ZNF594: variants seen among roughly 807,000 people sequenced by gnomAD.
The protein encoded by ZNF594 is zinc finger protein 594.
For missense variants in ZNF594, 1,037 were observed against 964.6 expected (o/e 1.08, Z -0.99); for synonymous variants, 336 against 309.4 (o/e 1.09, Z -0.90).
downstream of ZNF594, among the ~76,000 whole-genome samples, chr17:5,178,927 A>G (rs545876209): frequency 1.9e-3 from 295 of 152,304 alleles, 1 homozygote; most frequent in African/African-American, 6.7e-3. Context: ...TCAAATCAAC[A>G]TAAGAACACA....
downstream of ZNF594, among the ~76,000 whole-genome samples, chr17:5,175,875 A>G (rs886524536): frequency 2.0e-5 from 3 of 152,122 alleles, no homozygotes; most frequent in African/African-American, 7.2e-5. Flanking sequence ...GTTCACCTAT[A>G]AAGTTAAAAT....
At chr17:5,190,735 T>A (rs1458615623) in intron 1 of ZNF594, among the ~76,000 whole-genome samples, 2 of 152,250 alleles carry the variant, frequency 1.3e-5, no homozygotes, top group East Asian at 3.9e-4. Context: ...GACTCTCTCC[T>A]AGCAGAGAGA....
At chr17:5,178,343 A>G (rs961654469), downstream of ZNF594, among the ~76,000 whole-genome samples, 4 of 152,218 alleles carry the variant, frequency 2.6e-5, no homozygotes, top group Admixed American at 6.5e-5. Flanking sequence ...TATTTACAGT[A>G]TATGTAAAAA....
chr17:5,174,216 T>C, the ZNF594 span: 1 of 191,452 alleles, frequency 5.2e-6, no homozygotes, highest in South Asian at 1.9e-4. Context: ...AACAAAAGTA[T>C]AAATATTATT....
Position 5,181,519 on chromosome 17 carries a change from T to G in ZNF594, c.*314A>C. The G allele has an allele frequency of 5.0e-6, 8 of 1,613,952 alleles. No homozygotes were observed. Among genetic ancestry groups the G allele is most frequent in the Non-Finnish European group, 6.8e-6 (8 of 1,179,894 alleles). ...AGTCTCTGATGTTTGAGGAAAGCTG[T>G]GTGCCACATGAAGAGTTTCCCACAT... On this transcript the variant is annotated 3_prime_UTR_variant, in exon 2 of 2. Coordinates refer to ENST00000575779, the MANE Select transcript of ZNF594 (RefSeq NM_032530.2).
chr17:5,183,548 T>C lies in ZNF594; in HGVS notation c.709A>G (p.Lys237Glu). Reference sequence around the variant, plus strand: ...CCACATTTATTGCATAAATATGGCTTCCCCCTACTGTGGATTCTCTGGTGC... The same window carrying C: ...CCACATTTATTGCATAAATATGGCTCCCCCCTACTGTGGATTCTCTGGTGC... ...VLHQRIHSRG[K>E]PYLCNKCGKA... Residue 237 changes from lysine (K) to glutamate (E), a missense_variant, in exon 2 of 2, where the codon AAG becomes GAG. Lys to Glu is a moderately conservative substitution (Grantham distance 56). Coordinates refer to ENST00000575779, the MANE Select transcript of ZNF594 (RefSeq NM_032530.2). 1 of 1,614,200 alleles carries C rather than the reference T, an allele frequency of 6.2e-7. No homozygotes were observed. The highest frequency in any genetic ancestry group is 1.6e-4 in the Middle Eastern group (1 of 6,062).
In ZNF594 at chr17:5,183,094, G is replaced by C. The variant is rs773120104; in HGVS notation, c.1163C>G (p.Thr388Ser). ...CNQCGRNFQG[T>S]SDLIRHQVTH... Reference sequence around the variant, plus strand: ...TACCTGATGTCTGATGAGGTCTGAGGTGCCCTGGAAATTCCTACCACACTG... The same window carrying C: ...TACCTGATGTCTGATGAGGTCTGAGCTGCCCTGGAAATTCCTACCACACTG... Residue 388 changes from threonine to serine, a missense_variant, in exon 2 of 2, where the codon ACC becomes AGC. By Grantham distance (58) the Thr-to-Ser change is moderately conservative (BLOSUM62 1). Transcript: ENST00000575779. 13 of 1,613,592 alleles carry C rather than the reference G, an allele frequency of 8.1e-6. 1 individual carries two copies. Among genetic ancestry groups the C allele is most frequent in the South Asian group, 7.7e-5 (7 of 91,054 alleles).
intron 1 of ZNF594, among the ~76,000 whole-genome samples, chr17:5,184,808 G>C (rs2074375842): frequency 6.6e-6 from 1 of 152,210 alleles, no homozygotes; most frequent in Non-Finnish European, 1.5e-5. Context: ...TGTTGACAAA[G>C]TCAAATCTTG....
intron 1 of ZNF594, among the ~76,000 whole-genome samples, chr17:5,188,872 C>T (rs941117253): frequency 2.4e-4 from 37 of 151,716 alleles, no homozygotes; most frequent in African/African-American, 7.3e-4. Flanking sequence ...CTCAGCCTCC[C>T]GAGTAGCTGG....
downstream of ZNF594, among the ~76,000 whole-genome samples, chr17:5,178,830 C>A (rs535362383): frequency 6.6e-6 from 1 of 152,210 alleles, no homozygotes; most frequent in Admixed American, 6.5e-5. Flanking sequence ...AATAAAATTA[C>A]GGTACAATGA....
rs2074346238 is a variant in ZNF594, at chr17:5,182,069, GCA to G, written c.2186_2187del (p.Leu729ProfsTer7). ...CATTCTTCAAGTTTCTCTCCAGCAT[GCA>G]GTCTCTGATGTTTGAGGAAAGCCGT... ...WHTAFLKHQR[L>X]HAGEKLEECE... On this transcript the variant is annotated frameshift_variant, in exon 2 of 2. Transcript: ENST00000575779. LOFTEE classifies it low-confidence loss of function (END_TRUNC). The G allele has an allele frequency of 6.2e-7, 1 of 1,613,508 alleles. No individual in the cohort carries two copies. The highest frequency in any genetic ancestry group is 1.1e-5 in the South Asian group (1 of 91,080).
chr17:5,180,323 G>C lies in ZNF594; in HGVS notation c.*1510C>G, dbSNP rs1308359895. On this transcript the variant is annotated 3_prime_UTR_variant, in exon 2 of 2. Transcript: ENST00000575779. ...CGTGACCTCGTGATCTGCCCACCTTGGCTTCCCAAAGTGCTGGATTACAGG... is the reference window on the plus strand; with the variant it reads ...CGTGACCTCGTGATCTGCCCACCTTCGCTTCCCAAAGTGCTGGATTACAGG... The C allele has an allele frequency of 1.3e-5, 2 of 152,222 alleles. No homozygotes were observed. 9.4% of individuals were successfully genotyped at this position (152,222 alleles called of 1,614,324 possible).
chr17:5,191,281 C>A (rs924250727), intron 1 of ZNF594, among the ~76,000 whole-genome samples: 15 of 152,174 alleles, frequency 9.9e-5, no homozygotes, highest in African/African-American at 3.6e-4. Flanking sequence ...TAAATCCCTC[C>A]CTTGTTTGAA....
At position 5,183,489 on chromosome 17, in the gene ZNF594, TATA is replaced by T. The variant is rs1449502079; in HGVS notation, c.765_767del (p.Ile256del). The T allele has an allele frequency of 2.5e-6, 4 of 1,614,190 alleles. No individual in the cohort carries two copies. The highest frequency in any genetic ancestry group is 3.4e-6 in the Non-Finnish European group (4 of 1,180,048). ...TCTCTCCAGTGTGAATTCTGTGATG[TATA>T]ATAAGATCTGTGCTTTGACTGAAAG... On this transcript the variant is annotated inframe_deletion, in exon 2 of 2. Transcript: ENST00000575779.
In ZNF594 at chr17:5,184,204, CTTGCTGA is replaced by C. The variant is rs1567827106; in HGVS notation, c.46_52del (p.Ser16GlyfsTer17). 2 of 1,613,854 alleles carry C rather than the reference CTTGCTGA, an allele frequency of 1.2e-6. No individual in the cohort carries two copies. The highest frequency in any genetic ancestry group is 1.7e-6 in the Non-Finnish European group (2 of 1,179,944). The stretch of plus-strand genomic sequence containing the variant: ...TCTTTGGAGTTTTTCGGATGCAGCC[CTTGCTGA>C]CTTCTTTTCTTCAGAAATTTCCATC... On this transcript the variant is annotated frameshift_variant, in exon 2 of 2. Transcript: ENST00000575779. LOFTEE classifies it low-confidence loss of function (END_TRUNC).
chr17:5,188,756 T>TC (rs1440721244), intron 1 of ZNF594, among the ~76,000 whole-genome samples: 6 of 151,524 alleles, frequency 4.0e-5, no homozygotes, highest in Non-Finnish European at 4.4e-5. Flanking sequence ...TTGACTTTTT[T>TC]TTTTTTTTTG....
At position 5,180,997 on chromosome 17, in the gene ZNF594, G is replaced by A. The variant is rs982475713; in HGVS notation, c.*836C>T. 2.6e-6 allele frequency: 2 copies of A among 758,320 alleles called. No individual in the cohort carries two copies. The highest frequency in any genetic ancestry group is 4.6e-6 in the Non-Finnish European group (2 of 433,406). 47.0% of individuals were successfully genotyped at this position (758,320 alleles called of 1,614,324 possible). On this transcript the variant is annotated 3_prime_UTR_variant, in exon 2 of 2. Transcript: ENST00000575779. ...CAGTCTTCAAATTCCTTTCCAATGTGAAGTTTCTGGTGCTTAAGAAAAGCT... is the reference window on the plus strand; with the variant it reads ...CAGTCTTCAAATTCCTTTCCAATGTAAAGTTTCTGGTGCTTAAGAAAAGCT...
At position 5,181,714 on chromosome 17, in the gene ZNF594, C is replaced by G. The variant is rs754560288; in HGVS notation, c.*119G>C. On this transcript the variant is annotated 3_prime_UTR_variant, in exon 2 of 2. Coordinates refer to ENST00000575779, the MANE Select transcript of ZNF594 (RefSeq NM_032530.2). ...CTCTGGCTAAAGACTTTCCCACATTCACTACATTCATGAGGTTTCTCTCCA... is the reference window on the plus strand; with the variant it reads ...CTCTGGCTAAAGACTTTCCCACATTGACTACATTCATGAGGTTTCTCTCCA... 114 of 1,583,066 alleles carry G rather than the reference C, an allele frequency of 7.2e-5. No individual in the cohort carries two copies. Among genetic ancestry groups the G allele is most frequent in the Non-Finnish European group, 9.4e-5 (108 of 1,152,076 alleles).
intron 1 of ZNF594, 113 bp downstream of exon 1, chr17:5,191,635 C>T (rs1048409813): frequency 5.2e-5 from 8 of 152,526 alleles, no homozygotes; most frequent in African/African-American, 1.7e-4. Flanking sequence ...CCTACATCCT[C>T]CTGCGGTCCC....
Sources: gnomAD v4.1 joint callset for allele counts (sites outside exome capture counted in the v4.1 genomes callset) on GRCh38, gnomAD v4.1.1 for gene constraint, MANE v1.5 for transcripts, NCBI Gene and HGNC (gene_info 2026-07-23, HGNC 2026-07-21) for gene names.